The following PLCB1 variants were observed in gnomAD, a reference collection of about 807,000 sequenced individuals.
PLCB1 encodes the protein 1-phosphatidylinositol 4,5-bisphosphate phosphodiesterase beta-1.
PLCB1 carries 46 observed loss-of-function variants against 161.8 expected under a neutral mutation model. That is an observed-to-expected ratio of 0.28 (90% CI 0.22 to 0.36). The LOEUF is 0.36. PLCB1 is among the 10% of genes least tolerant of loss of function. PLCB1 has a pLI of 1.00. For synonymous variants in PLCB1, 517 were observed against 503.7 expected (o/e 1.03, Z -0.35); for missense variants, 1,016 against 1,472.5 (o/e 0.69, Z 5.07).
intron 3 of PLCB1, among the ~76,000 whole-genome samples, chr20:8,456,612 T>A (rs1285490167): frequency 1.3e-5 from 2 of 152,150 alleles, no homozygotes; most frequent in Non-Finnish European, 2.9e-5. Context: ...ATTTAGCACA[T>A]ATAAAAAAGG....
At chr20:8,424,374 A>G (rs1160490085) in intron 3 of PLCB1, among the ~76,000 whole-genome samples, 1 of 152,228 alleles carries the variant, frequency 6.6e-6, no homozygotes, top group Non-Finnish European at 1.5e-5. Context: ...GTTTGGTTAC[A>G]CTATAAGCAT....
intron 9 of PLCB1, among the ~76,000 whole-genome samples, chr20:8,684,079 T>G (rs1203528752): frequency 6.6e-6 from 1 of 151,506 alleles, no homozygotes; most frequent in Non-Finnish European, 1.5e-5. Flanking sequence ...AGAGACGAGG[T>G]TTCACCGTGT....
At chr20:8,542,209 C>CGTGTGAA (rs1216661964) in intron 3 of PLCB1, among the ~76,000 whole-genome samples, 1 of 152,154 alleles carries the variant, frequency 6.6e-6, no homozygotes, top group Non-Finnish European at 1.5e-5. Flanking sequence ...TTCTTTCCTA[C>CGTGTGAA]GTGTGAACCG....
At chr20:8,220,182 G>A (rs1979332247) in intron 2 of PLCB1, among the ~76,000 whole-genome samples, 1 of 152,094 alleles carries the variant, frequency 6.6e-6, no homozygotes. Flanking sequence ...TCCAAAAACT[G>A]CGATTGGTAT....
chr20:8,433,348 A>C (rs1164236289), intron 3 of PLCB1, among the ~76,000 whole-genome samples: 2 of 152,102 alleles, frequency 1.3e-5, no homozygotes, highest in African/African-American at 4.8e-5. Flanking sequence ...ATCTTGGGAA[A>C]AATTATTAAT....
chr20:8,330,499 G>T (rs940007963), intron 2 of PLCB1, among the ~76,000 whole-genome samples: 4 of 152,302 alleles, frequency 2.6e-5, no homozygotes, highest in Middle Eastern at 3.4e-3. Flanking sequence ...TGAGTAATCA[G>T]TCCTCCTTTC....
intron 3 of PLCB1, among the ~76,000 whole-genome samples, chr20:8,506,778 C>A (rs1983653404): frequency 6.6e-6 from 1 of 152,054 alleles, no homozygotes; most frequent in Admixed American, 6.6e-5. Context: ...ATTAATTAAT[C>A]TTGATTAGTT....
Position 8,774,619 on chromosome 20 carries a change from A to G in PLCB1, c.3011A>G (p.Lys1004Arg). Reference sequence around the variant, plus strand: ...GCTCTGGATGCTGAAATGACCCAAAAGTTAATAGACTTGAAGGACAAACAA... The same window carrying G: ...GCTCTGGATGCTGAAATGACCCAAAGGTTAATAGACTTGAAGGACAAACAA... The part of the protein sequence containing the change: ...LAALDAEMTQ[K>R]LIDLKDKQQQ... The change falls in exon 27 of 32, where the codon AAG (lysine) becomes AGG (arginine). Residue 1004 changes from lysine to arginine, a missense_variant. This residue lies in a region of PLCB1 where 398 missense variants were observed against 445.4 expected (regional missense o/e 0.89). Coordinates refer to ENST00000338037, the MANE Select transcript of PLCB1 (RefSeq NM_015192.4). The G allele has an allele frequency of 6.2e-7, 1 of 1,614,038 alleles. No individual in the cohort carries two copies. Among genetic ancestry groups the G allele is most frequent in the Non-Finnish European group, 8.5e-7 (1 of 1,179,914 alleles).
chr20:8,410,227 G>A (rs1438529136), intron 3 of PLCB1, among the ~76,000 whole-genome samples: 1 of 151,904 alleles, frequency 6.6e-6, no homozygotes, highest in East Asian at 1.9e-4. Flanking sequence ...TTCTCGGTTT[G>A]GTGCTATGAC....
intron 4 of PLCB1, among the ~76,000 whole-genome samples, chr20:8,634,280 C>G (rs898979195): frequency 2.0e-5 from 3 of 152,088 alleles, no homozygotes; most frequent in African/African-American, 7.2e-5. Flanking sequence ...AGAAGAAATG[C>G]GCTCTCTAAA....
At chr20:8,186,397 T>C (rs762401005) in intron 2 of PLCB1, among the ~76,000 whole-genome samples, 1 of 152,206 alleles carries the variant, frequency 6.6e-6, no homozygotes, top group Non-Finnish European at 1.5e-5. Flanking sequence ...TAATTGATGT[T>C]GTCTTTACTT....
rs952389332 is a variant in PLCB1 at position 8,883,259 on chromosome 20, TA to T, written c.*1417del. 1 of 152,150 alleles carries T rather than the reference TA, an allele frequency of 6.6e-6. No homozygotes were observed. The highest frequency in any genetic ancestry group is 1.9e-4 in the East Asian group (1 of 5,186). 9.4% of individuals were successfully genotyped at this position (152,150 alleles called of 1,614,324 possible). On this transcript the variant is annotated 3_prime_UTR_variant, in exon 32 of 32. Transcript: ENST00000338037. Reference sequence around the variant, plus strand: ...GACACATTTCTATTTTATTCTAACATAAAAAAACTTCCATTATATATTTACT... The same window carrying T: ...GACACATTTCTATTTTATTCTAACATAAAAAACTTCCATTATATATTTACT...
At chr20:8,571,198 A>G (rs1007340756) in intron 3 of PLCB1, among the ~76,000 whole-genome samples, 2 of 152,222 alleles carry the variant, frequency 1.3e-5, no homozygotes, top group Non-Finnish European at 2.9e-5. Flanking sequence ...TTGGGAGGCC[A>G]GGCATGGTGG....
chr20:8,278,305 T>TATAA (rs1982690408), intron 2 of PLCB1, among the ~76,000 whole-genome samples: 9 of 141,538 alleles, frequency 6.4e-5, no homozygotes, highest in Non-Finnish European at 1.4e-4. Context: ...TATATAAAAA[T>TATAA]ATATATTATA....
chr20:8,681,496 G>A (rs575898867), intron 9 of PLCB1, among the ~76,000 whole-genome samples: 3 of 152,130 alleles, frequency 2.0e-5, no homozygotes, highest in East Asian at 3.9e-4. Flanking sequence ...GTTTATTCTT[G>A]CATTTCATTC....
intron 2 of PLCB1, among the ~76,000 whole-genome samples, chr20:8,151,245 C>G (rs539115991): frequency 1.3e-5 from 2 of 152,130 alleles, no homozygotes; most frequent in Non-Finnish European, 2.9e-5. Flanking sequence ...ACAGCTGGAA[C>G]CTCCACAGTT....
At chr20:8,800,202 G>A (rs184611677) in intron 31 of PLCB1, among the ~76,000 whole-genome samples, 1 of 152,304 alleles carries the variant, frequency 6.6e-6, no homozygotes, top group Non-Finnish European at 1.5e-5. Context: ...CTTCCAAATA[G>A]GAAAGCAGTT....
At chr20:8,288,772 C>G (rs1298181943) in intron 2 of PLCB1, among the ~76,000 whole-genome samples, 1 of 152,194 alleles carries the variant, frequency 6.6e-6, no homozygotes, top group Non-Finnish European at 1.5e-5. Context: ...GTACTAACTA[C>G]AGTTACTGAT....
At chr20:8,407,458 G>T (rs1381870417) in intron 3 of PLCB1, among the ~76,000 whole-genome samples, 2 of 152,212 alleles carry the variant, frequency 1.3e-5, no homozygotes, top group African/African-American at 4.8e-5. Context: ...CATGGCTGGG[G>T]AGGCCTCAGA....
Sources: gnomAD v4.1 joint callset for allele counts (sites outside exome capture counted in the v4.1 genomes callset) on GRCh38, gnomAD v4.1.1 for gene constraint, gnomAD v4.1.1 regional missense constraint, MANE v1.5 for transcripts, NCBI Gene and HGNC (gene_info 2026-07-23, HGNC 2026-07-21) for gene names.